Variants in CRACD observed in about 807,000 individuals in gnomAD.
CRACD encodes capping protein inhibiting regulator of actin dynamics.
CRACD carries 56 observed loss-of-function variants against 106.8 expected under a neutral mutation model. That is an observed-to-expected ratio of 0.52 (90% CI 0.42 to 0.66). The LOEUF (loss-of-function observed/expected upper bound fraction) is 0.66, where lower values mean the gene tolerates loss of function less well. CRACD is among the 30% of genes least tolerant of loss of function. The probability of loss-of-function intolerance (pLI) is 0.00; values close to 1 mark genes in which losing one functional copy is unlikely to be tolerated. For missense variants in CRACD, 1,730 were observed against 1,623.2 expected (o/e 1.07, Z -1.13); for synonymous variants, 754 against 670.8 (o/e 1.12, Z -1.92).
chr4:56,114,708 T>G (rs1444206370), intron 1 of CRACD, among the ~76,000 whole-genome samples: 4 of 152,038 alleles, frequency 2.6e-5, no homozygotes, highest in Admixed American at 6.6e-5. Flanking sequence ...TAAAGTAAAA[T>G]AGAAAAGACT....
chr4:56,297,823 T>C (rs973803378), intron 3 of CRACD: 1 of 155,324 alleles, frequency 6.4e-6, no homozygotes, highest in Non-Finnish European at 1.4e-5. Context: ...AAAGAAATCC[T>C]TGCCTCTTAC....
At chr4:56,073,816 T>A (rs1319094931) in intron 1 of CRACD, among the ~76,000 whole-genome samples, 2 of 152,220 alleles carry the variant, frequency 1.3e-5, no homozygotes, top group African/African-American at 4.8e-5. Context: ...AGGTTCCTTC[T>A]AGGGTTTTTA....
At chr4:56,148,320 C>T (rs573573839) in intron 1 of CRACD, among the ~76,000 whole-genome samples, 2 of 151,866 alleles carry the variant, frequency 1.3e-5, no homozygotes, top group Admixed American at 1.3e-4. Context: ...GACAGGGTCT[C>T]CCTGTGTTAC....
chr4:56,060,658 C>T (rs527319303), intron 1 of CRACD, among the ~76,000 whole-genome samples: 4 of 152,104 alleles, frequency 2.6e-5, no homozygotes, highest in East Asian at 1.9e-4. Flanking sequence ...TAAAGGGTGC[C>T]GCAATGGACT....
chr4:56,054,774 C>T (rs1731996663), intron 1 of CRACD, among the ~76,000 whole-genome samples: 1 of 151,980 alleles, frequency 6.6e-6, no homozygotes, highest in African/African-American at 2.4e-5. Flanking sequence ...ATTTAAGAAG[C>T]CAAATAGAAC....
chr4:56,090,317 C>T (rs987703067), intron 1 of CRACD, among the ~76,000 whole-genome samples: 2 of 152,126 alleles, frequency 1.3e-5, no homozygotes, highest in African/African-American at 4.8e-5. Flanking sequence ...TAGGAATCTC[C>T]TCTTATACCC....
intron 1 of CRACD, among the ~76,000 whole-genome samples, chr4:56,088,197 C>T (rs1733297194): frequency 6.8e-6 from 1 of 147,052 alleles, no homozygotes; most frequent in Non-Finnish European, 1.5e-5. Flanking sequence ...GCAGGTTTGT[C>T]ACATGGGTAA....
At chr4:56,165,122 C>G (rs1473631470) in intron 1 of CRACD, among the ~76,000 whole-genome samples, 1 of 152,194 alleles carries the variant, frequency 6.6e-6, no homozygotes, top group Non-Finnish European at 1.5e-5. Context: ...TCACTTTCTG[C>G]CATCGTCAGT....
intron 3 of CRACD, among the ~76,000 whole-genome samples, chr4:56,284,830 G>C (rs808997): frequency 0.94 from 143,300 of 152,344 alleles, 67,516 homozygotes; most frequent in Middle Eastern, 0.98. Context: ...GTAACCGTAA[G>C]GTCAAACAGC....
In CRACD at chr4:56,203,994, C is replaced by G. The variant is rs1242854925; in HGVS notation, c.-189+24564C>G. Among the ~76,000 whole-genome samples the G allele has an allele frequency of 2.6e-5, 4 of 152,344 alleles. No homozygotes were observed. In the South Asian group the frequency reaches 8.3e-4, roughly 32 times the overall value. Reference sequence around the variant, plus strand: ...CAGATGCAGCCCCCTGGGCCCATGACTTGAAGCCTTGTGCATATTCAAAAA... The same window carrying G: ...CAGATGCAGCCCCCTGGGCCCATGAGTTGAAGCCTTGTGCATATTCAAAAA... On this transcript the variant is annotated intron_variant, in intron 2 of 10. Transcript: ENST00000682029.
chr4:56,160,052 A>G (rs1735897050), intron 1 of CRACD, among the ~76,000 whole-genome samples: 1 of 152,108 alleles, frequency 6.6e-6, no homozygotes, highest in Non-Finnish European at 1.5e-5. Flanking sequence ...AAGTGCTGGG[A>G]TTACAGCCGT....
chr4:56,082,015 T>C (rs1405768805), intron 1 of CRACD, among the ~76,000 whole-genome samples: 2 of 152,116 alleles, frequency 1.3e-5, no homozygotes, highest in Non-Finnish European at 2.9e-5. Context: ...GGTGCTTACA[T>C]TCTTTTGGGA....
intron 3 of CRACD, among the ~76,000 whole-genome samples, chr4:56,282,798 G>A (rs1396021961): frequency 6.6e-6 from 1 of 152,206 alleles, no homozygotes; most frequent in Non-Finnish European, 1.5e-5. Flanking sequence ...TTGTGAATGA[G>A]GAGAACTTTC....
intron 2 of CRACD, among the ~76,000 whole-genome samples, chr4:56,195,766 T>C (rs1737579684): frequency 6.6e-6 from 1 of 152,160 alleles, no homozygotes; most frequent in African/African-American, 2.4e-5. Context: ...ACAGGAACAA[T>C]AGAAAACATT....
intron 2 of CRACD, among the ~76,000 whole-genome samples, chr4:56,251,378 G>T (rs1273900238): frequency 6.6e-6 from 1 of 152,126 alleles, no homozygotes; most frequent in East Asian, 1.9e-4. Context: ...TATTTGAAAG[G>T]CACTCAAAAA....
At chr4:56,310,798 C>T (rs1232205297) in intron 6 of CRACD, 64 bp downstream of exon 6, 111 of 804,630 alleles carry the variant, frequency 1.4e-4, no homozygotes, top group East Asian at 7.4e-4. Flanking sequence ...TTCCCCCCCC[C>T]TTTTTTTTTT....
chr4:56,301,921 T>C (rs1250166617), intron 4 of CRACD, among the ~76,000 whole-genome samples: 1 of 152,164 alleles, frequency 6.6e-6, no homozygotes, highest in African/African-American at 2.4e-5. Flanking sequence ...TTTTAATATA[T>C]GGGGCAGTTA....
intron 5 of CRACD, 38 bp downstream of exon 5, chr4:56,307,737 A>T: frequency 1.1e-5 from 17 of 1,609,260 alleles, no homozygotes; most frequent in Non-Finnish European, 1.4e-5. Context: ...TGGCTCATAA[A>T]CCAGGGCAGG....
chr4:56,082,319 A>G (rs557415490), intron 1 of CRACD, among the ~76,000 whole-genome samples: 20 of 152,200 alleles, frequency 1.3e-4, no homozygotes, highest in Admixed American at 1.0e-3. Context: ...AATCCAAAAG[A>G]TGAGTGAGGA....
Sources: allele counts gnomAD v4.1 joint callset (sites outside exome capture counted in the v4.1 genomes callset), GRCh38; gene constraint gnomAD v4.1.1; transcripts MANE v1.5; gene names NCBI Gene and HGNC (gene_info 2026-07-23, HGNC 2026-07-21).